KMT2E: variants seen among roughly 807,000 people sequenced by gnomAD.
KMT2E encodes lysine methyltransferase 2E (inactive), also known as histone reader KMT2E.
KMT2E carries 30 observed loss-of-function variants against 184.6 expected under a neutral mutation model. That is an observed-to-expected ratio of 0.16 (90% CI 0.12 to 0.22). The LOEUF (loss-of-function observed/expected upper bound fraction) is 0.22. Among genes scored for constraint, KMT2E ranks in the 10% least tolerant of loss-of-function variants. The pLI is 1.00. For synonymous variants in KMT2E, 815 were observed against 776.5 expected, an observed-to-expected ratio of 1.05 and a Z score of -0.82; for missense variants, 2,023 against 2,237.4, an observed-to-expected ratio of 0.90 and a Z score of 1.93.
intron 3 of KMT2E, among the ~76,000 whole-genome samples, chr7:105,054,043 C>T (rs934891212): frequency 6.6e-5 from 10 of 152,036 alleles, no homozygotes; most frequent in South Asian, 4.2e-4. Context: ...CATGGTGGCA[C>T]GTGCCTGTAA....
In KMT2E at chr7:105,108,651, G is replaced by C; in HGVS notation, c.3469-291G>C. 20 of 443,476 alleles carry C rather than the reference G, an allele frequency of 4.5e-5. 2 individuals are homozygous for C. Among genetic ancestry groups the C allele is most frequent in the South Asian group, 3.5e-4 (20 of 56,916 alleles). 27.5% of individuals were successfully genotyped at this position (443,476 alleles called of 1,614,324 possible). On this transcript the variant is annotated intron_variant, in intron 22 of 26. Transcript: ENST00000311117. Reference sequence around the variant, plus strand: ...CGGCTCCAACACTCACCAGCTGTGTGACCTTGAGTGAGTGAGTTACTCAAT... The same window carrying C: ...CGGCTCCAACACTCACCAGCTGTGTCACCTTGAGTGAGTGAGTTACTCAAT...
chr7:105,063,992 T>G (rs1217807642), intron 5 of KMT2E: 1 of 455,290 alleles, frequency 2.2e-6, no homozygotes, highest in Admixed American at 2.4e-5. Flanking sequence ...TTGTTTGACC[T>G]GACTCTCTCA....
chr7:105,112,570 C>T lies in KMT2E; in HGVS notation c.4814C>T (p.Thr1605Ile), dbSNP rs1799355318. 1 of 1,613,974 alleles carries T rather than the reference C, an allele frequency of 6.2e-7. No individual in the cohort carries two copies. The highest frequency in any genetic ancestry group is 1.7e-5 in the Admixed American group (1 of 59,998). The change falls in exon 27 of 27, where the codon ACT becomes ATT. Residue 1605 changes from threonine (T) to isoleucine (I), a missense_variant. Physicochemically the swap from Thr to Ile is moderately conservative, Grantham distance 89. Around this residue, in one of 8 missense-constraint regions of KMT2E, gnomAD observed 1,108 missense variants for 1,050.9 expected, o/e 1.05. Coordinates refer to ENST00000311117, the MANE Select transcript of KMT2E (RefSeq NM_182931.3). ...CAAACAGTTCCAGGACACCACGTGA[C>T]TCCAGGGCATTTTTTGCCCTCTCAG... ...SQQTVPGHHV[T>I]PGHFLPSQNP...
At chr7:105,082,856 C>T (rs989564693) in intron 13 of KMT2E, among the ~76,000 whole-genome samples, 3 of 152,104 alleles carry the variant, frequency 2.0e-5, no homozygotes, top group African/African-American at 7.2e-5. Flanking sequence ...ACAATGGAGC[C>T]CTTCTGCCAG....
rs751969274 is a variant in KMT2E, at chr7:105,112,101, A to G, written c.4345A>G (p.Asn1449Asp). 77 of 1,613,962 alleles carry G rather than the reference A, an allele frequency of 4.8e-5. No individual in the cohort carries two copies. The highest frequency in any genetic ancestry group is 6.1e-5 in the Non-Finnish European group (72 of 1,180,000). Residue 1449 changes from asparagine to aspartate, a missense_variant, in exon 27 of 27, where the codon AAT becomes GAT. This residue lies in a region of KMT2E where 1,108 missense variants were observed against 1,050.9 expected (regional missense o/e 1.05). Transcript: ENST00000311117. ...LHCPPSPHLENPPKSSTPHTP... is the reference protein window; with the variant it reads ...LHCPPSPHLEDPPKSSTPHTP... ...CTGTCCTCCATCACCTCACCTAGAAAATCCTCCAAAGTCATCCACGCCTCA... is the reference window on the plus strand; with the variant it reads ...CTGTCCTCCATCACCTCACCTAGAAGATCCTCCAAAGTCATCCACGCCTCA...
intron 23 of KMT2E, among the ~76,000 whole-genome samples, chr7:105,109,481 A>G (rs1234128766): frequency 6.6e-6 from 1 of 152,236 alleles, no homozygotes; most frequent in Non-Finnish European, 1.5e-5. Context: ...ATCAGATTCA[A>G]CAATTCTGCA....
At chr7:105,046,178 C>T (rs1247810387) in intron 3 of KMT2E, among the ~76,000 whole-genome samples, 1 of 152,052 alleles carries the variant, frequency 6.6e-6, no homozygotes, top group African/African-American at 2.4e-5. Flanking sequence ...TTCCCTCGTC[C>T]TCTCTAATAA....
chr7:105,023,911 G>A (rs1199128842), intron 1 of KMT2E, among the ~76,000 whole-genome samples: 11 of 152,036 alleles, frequency 7.2e-5, no homozygotes, highest in Admixed American at 5.9e-4. Flanking sequence ...AGGGCAAAGC[G>A]GTATATGGTT....
At chr7:105,099,496 G>A (rs745545531) in intron 15 of KMT2E, among the ~76,000 whole-genome samples, 7 of 152,100 alleles carry the variant, frequency 4.6e-5, no homozygotes, top group Non-Finnish European at 8.8e-5. Flanking sequence ...TGTTTACAGG[G>A]GAGTTTGATT....
intron 1 of KMT2E, among the ~76,000 whole-genome samples, chr7:105,029,531 T>A (rs991860131): frequency 3.9e-5 from 6 of 152,152 alleles, no homozygotes; most frequent in African/African-American, 1.4e-4. Context: ...AAAGGGTTGT[T>A]GATTGTTGGA....
chr7:105,101,443 A>G lies in KMT2E; in HGVS notation c.1741A>G (p.Met581Val). 1 of 1,555,194 alleles carries G rather than the reference A, an allele frequency of 6.4e-7. No individual in the cohort carries two copies. Among genetic ancestry groups the G allele is most frequent in the Non-Finnish European group, 8.6e-7 (1 of 1,162,226 alleles). The change falls in exon 16 of 27, where the codon ATG becomes GTG. Residue 581 changes from methionine to valine, a missense_variant. Coordinates refer to ENST00000311117, the MANE Select transcript of KMT2E (RefSeq NM_182931.3). ...TTCATAGACAAGAGAAGAAAGAAAA[A>G]TGGAAGCAATTTTGCAAGCTTTTGC... ...KRKMTREERK[M>V]EAILQAFARL... is the part of the protein sequence containing the mutation.
intron 9 of KMT2E, 85 bp from the exon 10 acceptor site, chr7:105,076,872 TTGTGTG>T (rs10598888): frequency 0.042 from 26,518 of 626,478 alleles, 175 homozygotes; most frequent in East Asian, 0.12. Context: ...GCCGTTAATT[TTGTGTG>T]TGTGTGTGTG....
chr7:105,029,300 C>G (rs1795303631), intron 1 of KMT2E, among the ~76,000 whole-genome samples: 1 of 152,066 alleles, frequency 6.6e-6, no homozygotes, highest in Non-Finnish European at 1.5e-5. Flanking sequence ...TTTCAGGTGT[C>G]ATAAGAGCAA....
At chr7:105,057,973 T>A (rs182822671) in intron 3 of KMT2E, among the ~76,000 whole-genome samples, 8 of 152,318 alleles carry the variant, frequency 5.3e-5, no homozygotes, top group African/African-American at 9.6e-5. Flanking sequence ...AATTCACACA[T>A]TGCGTTTGCT....
intron 1 of KMT2E, among the ~76,000 whole-genome samples, chr7:105,024,231 T>C (rs1795078908): frequency 6.6e-6 from 1 of 152,210 alleles, no homozygotes; most frequent in African/African-American, 2.4e-5. Flanking sequence ...ATACAGTGGA[T>C]ACTTAGCATT....
intron 6 of KMT2E, among the ~76,000 whole-genome samples, chr7:105,071,606 ATATTTTTTT>A (rs1445652786): frequency 1.1e-3 from 63 of 58,652 alleles, no homozygotes; most frequent in African/African-American, 4.9e-3. Flanking sequence ...ATATATATAT[ATATTTTTTT>A]TTTTTTTTTT....
chr7:105,098,575 G>GT (rs1163470339), intron 15 of KMT2E, among the ~76,000 whole-genome samples: 11 of 152,050 alleles, frequency 7.2e-5, no homozygotes, highest in African/African-American at 7.2e-5. Context: ...GCTAATTTTT[G>GT]TTTTTTTAGT....
At chr7:105,050,301 T>C (rs143892392) in intron 3 of KMT2E, among the ~76,000 whole-genome samples, 40 of 152,360 alleles carry the variant, frequency 2.6e-4, no homozygotes, top group Non-Finnish European at 5.3e-4. Context: ...GGTTCAACTT[T>C]GGATTTCTAG....
intron 1 of KMT2E, among the ~76,000 whole-genome samples, chr7:105,016,016 A>C (rs1353846442): frequency 1.3e-5 from 2 of 152,152 alleles, no homozygotes; most frequent in Non-Finnish European, 2.9e-5. Flanking sequence ...TGTTTGGTTT[A>C]ATCCAACCAT....
Sources: gnomAD v4.1 joint callset for allele counts (sites outside exome capture counted in the v4.1 genomes callset) on GRCh38, gnomAD v4.1.1 for gene constraint, gnomAD v4.1.1 regional missense constraint, MANE v1.5 for transcripts, NCBI Gene and HGNC (gene_info 2026-07-23, HGNC 2026-07-21) for gene names.